Variants in MAP3K3 observed in about 807,000 individuals in gnomAD.
MAP3K3 encodes MAP/ERK kinase kinase 3.
In MAP3K3, 12 loss-of-function variants were observed where a neutral mutation model predicts 80.9. That is an observed-to-expected ratio of 0.15 (90% CI 0.10 to 0.24). The LOEUF is 0.24. Ranked by LOEUF, MAP3K3 falls within the 10% of genes least tolerant of loss-of-function variation. The pLI is 1.00. For missense variants in MAP3K3, 596 were observed against 834.7 expected, an observed-to-expected ratio of 0.71 and a Z score of 3.52; for synonymous variants, 272 against 307.1, an observed-to-expected ratio of 0.89 and a Z score of 1.19.
chr17:63,645,871 T>C (rs1186821793), intron 2 of MAP3K3, among the ~76,000 whole-genome samples, 163 bp from the exon 3 acceptor site: 1 of 152,184 alleles, frequency 6.6e-6, no homozygotes, highest in Non-Finnish European at 1.5e-5. Flanking sequence ...TTTTAACTCA[T>C]TGGAAAGGAA....
intron 6 of MAP3K3, among the ~76,000 whole-genome samples, chr17:63,678,154 G>A (rs1267794517): frequency 6.6e-6 from 1 of 152,060 alleles, no homozygotes; most frequent in Non-Finnish European, 1.5e-5. Context: ...TATGGCTTTG[G>A]GGCTTGGGTT....
intron 1 of MAP3K3, among the ~76,000 whole-genome samples, chr17:63,624,485 T>G (rs1052663706): frequency 2.0e-5 from 3 of 152,210 alleles, no homozygotes; most frequent in Admixed American, 6.5e-5. Context: ...TGAACCTGTT[T>G]TCACATTTCA....
intron 5 of MAP3K3, among the ~76,000 whole-genome samples, chr17:63,664,246 CAAAAAAAAAAAAA>C (rs60599826): frequency 1.4e-5 from 1 of 72,532 alleles, no homozygotes; most frequent in Admixed American, 1.6e-4. Context: ...GACTCCGTCT[CAAAAAAAAAAAAA>C]AAAAAAAAAA....
intron 3 of MAP3K3, among the ~76,000 whole-genome samples, chr17:63,648,604 TA>T (rs1303943729): frequency 1.3e-5 from 2 of 152,026 alleles, no homozygotes; most frequent in African/African-American, 2.4e-5. Context: ...GGCGGGCAGA[TA>T]AAAAGGTCAG....
chr17:63,683,176 T>C (rs1401820146), intron 7 of MAP3K3, among the ~76,000 whole-genome samples: 1 of 152,226 alleles, frequency 6.6e-6, no homozygotes, highest in Non-Finnish European at 1.5e-5. Context: ...GGAGATCTTA[T>C]AAAAAGCTGA....
In MAP3K3 at chr17:63,691,110, T is replaced by C; in HGVS notation, c.1221T>C (p.Ser407=). ...PDSPETSKEV[S]ALECEIQLLK... is the part of the protein sequence containing the mutation. The stretch of plus-strand genomic sequence containing the variant: ...ACTGACCCCTCCCCTAGGAGGTGAG[T>C]GCTCTGGAGTGCGAGATCCAGTTGC... The change falls in exon 13 of 16, where the codon AGT becomes AGC. Residue 407 remains serine, a synonymous_variant. Coordinates refer to ENST00000361733, the MANE Select transcript of MAP3K3 (RefSeq NM_002401.5). The surrounding 1 kb of genome is among the most constrained non-coding windows in gnomAD (Gnocchi z 4.8). The C allele has an allele frequency of 6.2e-7, 1 of 1,613,910 alleles. No individual in the cohort carries two copies.
rs1476138345 is a variant in MAP3K3 at position 63,689,779 on chromosome 17, T to C, written c.1063+44T>C. 2 of 1,557,784 alleles carry C rather than the reference T, an allele frequency of 1.3e-6. No homozygotes were observed. Among genetic ancestry groups the C allele is most frequent in the Non-Finnish European group, 1.7e-6 (2 of 1,146,940 alleles). On this transcript the variant is annotated intron_variant, in intron 11 of 15. Transcript: ENST00000361733. The surrounding 1 kb of genome is among the most constrained non-coding windows in gnomAD (Gnocchi z 4.3). ...CTAGGAGGAGACTGCCCAGGTGGTC[T>C]CAGACAAGCTACGGGGGCAAACAGC...
intron 8 of MAP3K3, among the ~76,000 whole-genome samples, chr17:63,687,388 C>T (rs1373325642): frequency 2.0e-5 from 3 of 151,426 alleles, no homozygotes; most frequent in Middle Eastern, 3.2e-3. Flanking sequence ...TGGCAGGCGC[C>T]GTAATCCCAG....
At chr17:63,671,722 CTGG>C (rs2035113458) in intron 6 of MAP3K3, among the ~76,000 whole-genome samples, 1 of 152,108 alleles carries the variant, frequency 6.6e-6, no homozygotes. Context: ...TTTTCCTCCA[CTGG>C]TTTCTCCTGA....
Position 63,691,697 on chromosome 17 carries a change from C to T in MAP3K3, c.1345-36C>T, listed in dbSNP as rs774161839. On this transcript the variant is annotated intron_variant, in intron 13 of 15. Transcript: ENST00000361733. This position sits in a 1 kb window ranked among gnomAD's most constrained non-coding sequence, Gnocchi z 4.8. The stretch of plus-strand genomic sequence containing the variant: ...GGGCTTGCCCCTCCACCAGCCCTCC[C>T]CTGAGGGGACTCCTCTGACTTCTTG... The T allele has an allele frequency of 2.5e-6, 4 of 1,604,332 alleles. No homozygotes were observed. The highest frequency in any genetic ancestry group is 2.6e-6 in the Non-Finnish European group (3 of 1,173,220).
chr17:63,685,674 GC>G, intron 8 of MAP3K3, 84 bp downstream of exon 8: 1 of 1,095,674 alleles, frequency 9.1e-7, no homozygotes, highest in Non-Finnish European at 1.4e-6. Flanking sequence ...AGCTCTGGAG[GC>G]CCAGGGTTAA....
At chr17:63,624,064 C>A (rs1568118446) in intron 1 of MAP3K3, among the ~76,000 whole-genome samples, 1 of 152,168 alleles carries the variant, frequency 6.6e-6, no homozygotes, top group East Asian at 1.9e-4. Flanking sequence ...CTTACTGTTT[C>A]CTTCTCATGC....
chr17:63,690,304 G>A lies in MAP3K3; in HGVS notation c.1104G>A (p.Leu368=). The change falls in exon 12 of 16, where the codon CTG becomes CTA. Residue 368 remains leucine, a synonymous_variant. Transcript: ENST00000361733. ...APINWRRGKL[L]GQGAFGRVYL... is the part of the protein sequence containing the mutation. ...TCAACTGGCGCCGGGGAAAGCTCCTGGGCCAGGGTGCCTTCGGCAGGGTCT... is the reference window on the plus strand; with the variant it reads ...TCAACTGGCGCCGGGGAAAGCTCCTAGGCCAGGGTGCCTTCGGCAGGGTCT... 3 of 1,614,180 alleles carry A rather than the reference G, an allele frequency of 1.9e-6. No homozygotes were observed. The highest frequency in any genetic ancestry group is 2.5e-6 in the Non-Finnish European group (3 of 1,180,024).
At chr17:63,660,239 C>G (rs1054158238) in intron 5 of MAP3K3, among the ~76,000 whole-genome samples, 7 of 152,084 alleles carry the variant, frequency 4.6e-5, no homozygotes, top group Non-Finnish European at 7.4e-5. Context: ...CTTACTCTGT[C>G]ACCCAAGCTG....
At chr17:63,660,088 T>A in intron 5 of MAP3K3, among the ~76,000 whole-genome samples, 1 of 152,244 alleles carries the variant, frequency 6.6e-6, no homozygotes, top group Non-Finnish European at 1.5e-5. Context: ...CAGGATACTA[T>A]ATCACCTGGT....
intron 2 of MAP3K3, among the ~76,000 whole-genome samples, chr17:63,640,847 C>G (rs2034425629): frequency 6.6e-6 from 1 of 152,174 alleles, no homozygotes; most frequent in African/African-American, 2.4e-5. Context: ...GTTCCTAGCT[C>G]TTGGTCAGAA....
chr17:63,661,217 T>A (rs1409295778), intron 5 of MAP3K3, among the ~76,000 whole-genome samples: 1 of 152,146 alleles, frequency 6.6e-6, no homozygotes, highest in Non-Finnish European at 1.5e-5. Context: ...CGGCTAAGTT[T>A]TGTATTTTTG....
At chr17:63,667,728 T>TATATATAATATG (rs1204858193) in intron 6 of MAP3K3, among the ~76,000 whole-genome samples, 1 of 152,240 alleles carries the variant, frequency 6.6e-6, no homozygotes, top group East Asian at 1.9e-4. Flanking sequence ...ATGTAAATAC[T>TATATATAATATG]ATGTAAATAG....
intron 6 of MAP3K3, among the ~76,000 whole-genome samples, chr17:63,677,963 G>A (rs1194262750): frequency 6.6e-6 from 1 of 152,212 alleles, no homozygotes; most frequent in Non-Finnish European, 1.5e-5. Context: ...CCTCCATAGG[G>A]ATTACTCATG....
Sources: gnomAD v4.1 joint callset for allele counts (sites outside exome capture counted in the v4.1 genomes callset) on GRCh38, gnomAD v4.1.1 for gene constraint, Gnocchi (gnomAD v3.1) non-coding constraint, MANE v1.5 for transcripts, NCBI Gene and HGNC (gene_info 2026-07-23, HGNC 2026-07-21) for gene names.